LRTM1: variants seen among roughly 807,000 people sequenced by gnomAD.
LRTM1 encodes leucine rich repeat transmembrane protein 1.
In LRTM1, 38 loss-of-function variants were observed where a neutral mutation model predicts 32.4. The ratio of observed to expected loss-of-function variants is 1.17; its 90% confidence interval spans 0.91 to 1.54. LRTM1 has a LOEUF of 1.54. LRTM1 is among the 40% of genes most tolerant of loss of function. The probability of loss-of-function intolerance (pLI) is 0.00; values close to 1 mark genes in which losing one functional copy is unlikely to be tolerated. For missense variants in LRTM1, 466 were observed against 415.4 expected (o/e 1.12, Z -1.06); for synonymous variants, 186 against 169.9 (o/e 1.09, Z -0.74).
chr3:54,937,065 T>TC (rs1701346213), intron 1 of LRTM1, among the ~76,000 whole-genome samples: 1 of 152,188 alleles, frequency 6.6e-6, no homozygotes, highest in African/African-American at 2.4e-5. Flanking sequence ...AGTGCCCGTG[T>TC]TCACCCCTTA....
At chr3:54,955,098 C>T (rs888121761) in intron 1 of LRTM1, among the ~76,000 whole-genome samples, 1 of 152,116 alleles carries the variant, frequency 6.6e-6, no homozygotes, top group East Asian at 1.9e-4. Context: ...CAAAATTATT[C>T]GAACGTACGT....
chr3:54,935,526 C>T (rs1382060368), intron 1 of LRTM1, among the ~76,000 whole-genome samples: 2 of 152,108 alleles, frequency 1.3e-5, no homozygotes, highest in East Asian at 1.9e-4. Flanking sequence ...CACAGTGACA[C>T]GTTGTTTTAC....
At chr3:54,966,445 A>C (rs1702152532) in intron 1 of LRTM1, among the ~76,000 whole-genome samples, 1 of 152,164 alleles carries the variant, frequency 6.6e-6, no homozygotes, top group African/African-American at 2.4e-5. Flanking sequence ...CGTGGCCCAC[A>C]TCACAGTAGG....
At chr3:54,959,042 A>C (rs1331268205) in intron 1 of LRTM1, among the ~76,000 whole-genome samples, 1 of 152,130 alleles carries the variant, frequency 6.6e-6, no homozygotes, top group Non-Finnish European at 1.5e-5. Context: ...TCGAGGCTGC[A>C]GTGAGCCATG....
intron 1 of LRTM1, among the ~76,000 whole-genome samples, chr3:54,954,172 G>T (rs540892336): frequency 6.6e-6 from 1 of 152,130 alleles, no homozygotes; most frequent in South Asian, 2.1e-4. Flanking sequence ...TCACCCAGTC[G>T]CATCTGGTCT....
Position 54,946,571 on chromosome 3 carries a change from G to A in LRTM1, c.-222+20357C>T, listed in dbSNP as rs550837185. Reference sequence around the variant, plus strand: ...CTTCCAGTGGAAAGTTTGACTTAACGAAGAAGAGCAGGTTACTTTCACCAA... The same window carrying A: ...CTTCCAGTGGAAAGTTTGACTTAACAAAGAAGAGCAGGTTACTTTCACCAA... On this transcript the variant is annotated intron_variant, in intron 1 of 2. Coordinates refer to the LRTM1 transcript ENST00000493075. Among the ~76,000 whole-genome samples the A allele has an allele frequency of 5.3e-5, 8 of 152,270 alleles. No homozygotes were observed. The South Asian group carries it at 1.5e-3, about 28-fold the overall frequency.
Position 54,918,350 on chromosome 3 carries a change from T to G in LRTM1, c.*109A>C. The G allele has an allele frequency of 7.0e-6, 3 of 431,208 alleles. No homozygotes were observed. Among genetic ancestry groups the G allele is most frequent in the South Asian group, 6.3e-5 (1 of 15,856 alleles). The allele number at this position is 431,208 out of a possible 1,614,324, so 26.7% of individuals were successfully genotyped here. On this transcript the variant is annotated 3_prime_UTR_variant, in exon 3 of 3. Coordinates refer to ENST00000273286, the MANE Select transcript of LRTM1 (RefSeq NM_020678.4). ...TTTTTTTCTTTTTTTTTTTTTTTTT[T>G]TTTTTGTCTTTTGGCAAAAGCAAAA...
chr3:54,961,529 A>G (rs1379661116), intron 1 of LRTM1, among the ~76,000 whole-genome samples: 1 of 152,230 alleles, frequency 6.6e-6, no homozygotes, highest in Non-Finnish European at 1.5e-5. Context: ...CTGTTTGTAG[A>G]ACAAGCCAGT....
intron 1 of LRTM1, among the ~76,000 whole-genome samples, chr3:54,952,186 G>T (rs1345830184): frequency 6.6e-6 from 1 of 152,142 alleles, no homozygotes; most frequent in South Asian, 2.1e-4. Context: ...ACCCCTGTTG[G>T]TTCTATACTA....
intron 1 of LRTM1, among the ~76,000 whole-genome samples, chr3:54,936,132 G>C (rs1015067840): frequency 6.7e-6 from 1 of 150,004 alleles, no homozygotes; most frequent in Non-Finnish European, 1.5e-5. Flanking sequence ...TATGGAAAGG[G>C]TTAAACAGTT....
At position 54,925,149 on chromosome 3, in the gene LRTM1, C is replaced by T; in HGVS notation, c.74G>A (p.Cys25Tyr). 2 of 1,614,058 alleles carry T rather than the reference C, an allele frequency of 1.2e-6. No individual in the cohort carries two copies. The part of the protein sequence containing the change: ...LQVVCSCPDK[C>Y]YCQSSTNFVD... Reference sequence around the variant, plus strand: ...AAAATTTGTAGATGACTGACAGTAACACTTGTCCGGGCAGCTGCATACCAC... The same window carrying T: ...AAAATTTGTAGATGACTGACAGTAATACTTGTCCGGGCAGCTGCATACCAC... The change falls in exon 2 of 3, where the codon TGT becomes TAT. Residue 25 changes from cysteine to tyrosine, a missense_variant. Physicochemically the swap from Cys to Tyr is radical, Grantham distance 194. Coordinates refer to ENST00000273286, the MANE Select transcript of LRTM1 (RefSeq NM_020678.4).
intron 1 of LRTM1, among the ~76,000 whole-genome samples, chr3:54,957,899 C>G (rs556759710): frequency 6.0e-4 from 92 of 152,324 alleles, no homozygotes; most frequent in African/African-American, 2.0e-3. Context: ...TCCTTCCCTC[C>G]CCTGCTGAGA....
chr3:54,927,275 G>C (rs572050451), intron 1 of LRTM1, among the ~76,000 whole-genome samples: 1 of 152,256 alleles, frequency 6.6e-6, no homozygotes, highest in African/African-American at 2.4e-5. Flanking sequence ...AGAGCCTTCT[G>C]AAAGAGAGTC....
chr3:54,922,332 T>C (rs1216567208), intron 2 of LRTM1, among the ~76,000 whole-genome samples: 1 of 152,114 alleles, frequency 6.6e-6, no homozygotes, highest in Non-Finnish European at 1.5e-5. Context: ...TTTTTTTTTT[T>C]TTTTTAATCA....
intron 1 of LRTM1, among the ~76,000 whole-genome samples, chr3:54,934,236 G>A (rs935831432): frequency 2.0e-5 from 3 of 152,156 alleles, no homozygotes; most frequent in Admixed American, 1.3e-4. Context: ...ATGCCCTAAG[G>A]TCATTTTTTA....
intron 1 of LRTM1, among the ~76,000 whole-genome samples, chr3:54,926,546 A>T (rs1215436591): frequency 8.5e-6 from 1 of 117,168 alleles, no homozygotes; most frequent in Non-Finnish European, 1.8e-5. Flanking sequence ...ACACACACAC[A>T]CACACACTCT....
At chr3:54,955,417 T>C (rs920753266) in intron 1 of LRTM1, among the ~76,000 whole-genome samples, 1 of 152,086 alleles carries the variant, frequency 6.6e-6, no homozygotes, top group Admixed American at 6.5e-5. Context: ...TGATGAGATT[T>C]CTAGGGCAGG....
intron 1 of LRTM1, among the ~76,000 whole-genome samples, chr3:54,936,177 A>C (rs1218688921): frequency 6.6e-6 from 1 of 151,916 alleles, no homozygotes; most frequent in Non-Finnish European, 1.5e-5. Context: ...AAAAAAAAAA[A>C]TCTTTTGCAC....
At chr3:54,939,908 C>T (rs1701423838) in intron 1 of LRTM1, among the ~76,000 whole-genome samples, 3 of 152,156 alleles carry the variant, frequency 2.0e-5, no homozygotes, top group Admixed American at 2.0e-4. Flanking sequence ...ATAGAGCATG[C>T]CCTGGAAGAA....
Sources: gnomAD v4.1 joint callset for allele counts (sites outside exome capture counted in the v4.1 genomes callset) on GRCh38, gnomAD v4.1.1 for gene constraint, MANE v1.5 for transcripts, NCBI Gene and HGNC (gene_info 2026-07-23, HGNC 2026-07-21) for gene names.